CLPB: variants seen among roughly 807,000 people sequenced by gnomAD.
CLPB encodes mitochondrial disaggregase.
CLPB carries 40 observed loss-of-function variants against 78.4 expected under a neutral mutation model. The ratio of observed to expected loss-of-function variants is 0.51; its 90% CI spans 0.40 to 0.66. The LOEUF (loss-of-function observed/expected upper bound fraction) is 0.66, where lower values mean the gene tolerates loss of function less well. CLPB is among the 30% of genes least tolerant of loss of function. The pLI, the probability that CLPB is intolerant of heterozygous loss-of-function variation, is 0.00. For missense variants in CLPB, 780 were observed against 886.9 expected, an observed-to-expected ratio of 0.88 and a Z score of 1.53; for synonymous variants, 333 against 348.0, an observed-to-expected ratio of 0.96 and a Z score of 0.48.
At chr11:72,324,185 AGG>A (rs1950093243) in intron 6 of CLPB, among the ~76,000 whole-genome samples, 1 of 152,092 alleles carries the variant, frequency 6.6e-6, no homozygotes, top group African/African-American at 2.4e-5. Context: ...TTTCTTAATA[AGG>A]TGTGTCTTGT....
chr11:72,317,221 CTG>C lies in CLPB; in HGVS notation c.874-3_874-2del. The C allele has an allele frequency of 6.2e-7, 1 of 1,605,732 alleles. No homozygotes were observed. Among genetic ancestry groups the C allele is most frequent in the South Asian group, 1.1e-5 (1 of 89,810 alleles). On this transcript the variant is annotated splice_acceptor_variant and splice_polypyrimidine_tract_variant and intron_variant, in intron 6 of 15. Transcript: ENST00000538039. LOFTEE classifies it high-confidence loss of function. ...CACGCTTCCGCTGCTTCTCTTGGTA[CTG>C]TGGGGAGAGAGGGCAAATGGTTGAG...
At position 72,326,180 on chromosome 11, in the gene CLPB, A is replaced by G. The variant is rs150562953; in HGVS notation, c.873+3527T>C. Among the ~76,000 whole-genome samples, 4 of 152,304 alleles carry G rather than the reference A, an allele frequency of 2.6e-5. No homozygotes were observed. In the East Asian group the frequency reaches 7.7e-4, roughly 29 times the overall value. ...CCTAGATGCATTTGATAAAAACAGT[A>G]TATATCATTGTTATAATTAATTAAA... On this transcript the variant is annotated intron_variant, in intron 6 of 15. Transcript: ENST00000538039.
rs1298914031 is a variant in CLPB, at chr11:72,434,102, G to C, written c.373C>G (p.His125Asp). ...MCALAAALVVHCYSKSPSNKD... is the reference protein window; with the variant it reads ...MCALAAALVVDCYSKSPSNKD... The stretch of plus-strand genomic sequence containing the variant: ...TTGGACGGACTCTTGCTGTAGCAAT[G>C]AACCACCAGCGCTGCGGCCAGGGCG... Residue 125 changes from histidine to aspartate, a missense_variant, in exon 1 of 16, where the codon CAT becomes GAT. Around this residue, in one of 3 missense-constraint regions of CLPB, gnomAD observed 417 missense variants for 414.7 expected, o/e 1.01. Coordinates refer to ENST00000538039, the MANE Select transcript of CLPB (RefSeq NM_001258392.3). The C allele has an allele frequency of 6.2e-7, 1 of 1,611,622 alleles. No homozygotes were observed. The highest frequency in any genetic ancestry group is 1.7e-5 in the Admixed American group (1 of 60,020).
intron 5 of CLPB, among the ~76,000 whole-genome samples, chr11:72,344,544 A>G (rs1020192174): frequency 1.3e-5 from 2 of 152,040 alleles, no homozygotes; most frequent in Non-Finnish European, 2.9e-5. Context: ...CATGATATGC[A>G]ATATCCATGA....
intron 5 of CLPB, chr11:72,336,889 C>T (rs1006005212): frequency 2.6e-6 from 1 of 390,992 alleles, no homozygotes; most frequent in Non-Finnish European, 4.5e-6. Context: ...CACTCTGTCC[C>T]CACCTGTGGT....
At chr11:72,411,226 A>G (rs1232330947) in intron 2 of CLPB, among the ~76,000 whole-genome samples, 1 of 152,230 alleles carries the variant, frequency 6.6e-6, no homozygotes, top group Non-Finnish European at 1.5e-5. Context: ...CTTCTCACCA[A>G]TACTTCTGTC....
At chr11:72,405,543 T>C (rs750421749) in intron 2 of CLPB, among the ~76,000 whole-genome samples, 3 of 152,172 alleles carry the variant, frequency 2.0e-5, no homozygotes, top group African/African-American at 7.2e-5. Flanking sequence ...ATTCCTGGCA[T>C]GCATGCTACT....
chr11:72,432,950 C>A (rs1416855506), intron 1 of CLPB, among the ~76,000 whole-genome samples: 1 of 152,116 alleles, frequency 6.6e-6, no homozygotes, highest in African/African-American at 2.4e-5. Flanking sequence ...TCTTGAGGAA[C>A]AACTAAGAAC....
rs1199370784 is a variant in CLPB, at chr11:72,317,178, G to A, written c.916C>T (p.Arg306Cys). The change falls in exon 7 of 16, where the codon CGC becomes TGC. Residue 306 changes from arginine to cysteine, a missense_variant. Transcript: ENST00000538039. ...QRKREAEERRRFPLEQRLKEH... is the reference protein window; with the variant it reads ...QRKREAEERRCFPLEQRLKEH... The stretch of plus-strand genomic sequence containing the variant: ...TTTAGTCGCTGCTCCAGGGGGAAGC[G>A]GCGCCGCTCCTCAGCCTCACGCTTC... 8.7e-6 allele frequency: 14 copies of A among 1,612,104 alleles called. No homozygotes were observed. The highest frequency in any genetic ancestry group is 2.7e-5 in the African/African-American group (2 of 74,860).
intron 10 of CLPB, 112 bp from the exon 11 acceptor site, chr11:72,302,076 A>C: frequency 8.1e-7 from 1 of 1,238,178 alleles, no homozygotes; most frequent in Non-Finnish European, 1.1e-6. Flanking sequence ...CTCTCTCAAC[A>C]GAGATGATTG....
At chr11:72,338,319 C>T (rs867553901) in intron 5 of CLPB, among the ~76,000 whole-genome samples, 7 of 152,260 alleles carry the variant, frequency 4.6e-5, no homozygotes, top group African/African-American at 1.7e-4. Context: ...AGATACTACA[C>T]TGAGCACTAA....
At chr11:72,307,147 G>A in intron 9 of CLPB, 52 bp downstream of exon 9, 1 of 1,519,834 alleles carries the variant, frequency 6.6e-7, no homozygotes, top group Non-Finnish European at 9.1e-7. Context: ...GGGATAGCAG[G>A]AATGGTGAGG....
chr11:72,369,263 C>T (rs532233955), intron 4 of CLPB, among the ~76,000 whole-genome samples: 2 of 152,208 alleles, frequency 1.3e-5, no homozygotes, highest in African/African-American at 2.4e-5. Context: ...TCTTAAGAAT[C>T]TGTTAGTCGG....
intron 5 of CLPB, among the ~76,000 whole-genome samples, chr11:72,344,987 G>A (rs1347471270): frequency 6.6e-6 from 1 of 152,148 alleles, no homozygotes; most frequent in Non-Finnish European, 1.5e-5. Context: ...GAGATACTAT[G>A]TCTCACCTTC....
chr11:72,297,885 A>C (rs1308507114), intron 11 of CLPB, among the ~76,000 whole-genome samples: 1 of 152,094 alleles, frequency 6.6e-6, no homozygotes, highest in Non-Finnish European at 1.5e-5. Context: ...CAGGTGGGTG[A>C]GGGGAGCAGG....
intron 7 of CLPB, among the ~76,000 whole-genome samples, chr11:72,316,419 G>T (rs1949942962): frequency 6.6e-6 from 1 of 152,176 alleles, no homozygotes; most frequent in Admixed American, 6.5e-5. Context: ...CAAGCCCAAG[G>T]AGTGGTGCTC....
At chr11:72,347,162 A>C (rs1355892162) in intron 5 of CLPB, among the ~76,000 whole-genome samples, 1 of 152,132 alleles carries the variant, frequency 6.6e-6, no homozygotes, top group Non-Finnish European at 1.5e-5. Flanking sequence ...GCATCACATA[A>C]AGATTGGTTC....
intron 11 of CLPB, among the ~76,000 whole-genome samples, chr11:72,300,833 T>A (rs1300226534): frequency 1.3e-5 from 2 of 152,180 alleles, no homozygotes; most frequent in African/African-American, 4.8e-5. Flanking sequence ...CCCGGTTCAG[T>A]CCTTGGCTCC....
In CLPB at chr11:72,434,285, A is replaced by C. The variant is rs367601298; in HGVS notation, c.190T>G (p.Ser64Ala). ...CCCCCGGTGGCTGCCCCACGTCCGG[A>C]GAACAAGGCCGGCGATGTTCCAGGG... ...GRPGTSPALF[S>A]GRGAATGGRQ... The change falls in exon 1 of 16, where the codon TCC becomes GCC. Residue 64 changes from serine (S) to alanine (A), a missense_variant. This residue lies in a region of CLPB where 417 missense variants were observed against 414.7 expected (regional missense o/e 1.01). Transcript: ENST00000538039. 6.2e-7 allele frequency: 1 copy of C among 1,612,806 alleles called. No homozygotes were observed.
Sources: gnomAD v4.1 joint callset for allele counts (sites outside exome capture counted in the v4.1 genomes callset) on GRCh38, gnomAD v4.1.1 for gene constraint, gnomAD v4.1.1 regional missense constraint, MANE v1.5 for transcripts, NCBI Gene and HGNC (gene_info 2026-07-23, HGNC 2026-07-21) for gene names.